GTF2E2: variants seen among roughly 807,000 people sequenced by gnomAD.
GTF2E2 encodes transcription initiation factor IIE subunit beta.
Under a neutral mutation model 40.5 loss-of-function variants are expected in GTF2E2, and 21 were observed. That is an observed-to-expected ratio of 0.52 (90% CI 0.37 to 0.75). The LOEUF is 0.75. GTF2E2 is among the 30% of genes least tolerant of loss of function. GTF2E2 has a pLI of 0.00. For synonymous variants in GTF2E2, 117 were observed against 121.6 expected (o/e 0.96, Z 0.25); for missense variants, 298 against 338.4 (o/e 0.88, Z 0.94).
At chr8:30,592,577 G>A (rs2151113089) in intron 6 of GTF2E2, among the ~76,000 whole-genome samples, 1 of 152,156 alleles carries the variant, frequency 6.6e-6, no homozygotes, top group South Asian at 2.1e-4. Context: ...ATATCAAATG[G>A]TATAGTATCT....
chr8:30,595,031 C>T (rs995518563), intron 6 of GTF2E2, among the ~76,000 whole-genome samples: 6 of 152,106 alleles, frequency 3.9e-5, no homozygotes, highest in Admixed American at 6.6e-5. Flanking sequence ...CTTCTGTCTC[C>T]GTGTTCATTT....
intron 6 of GTF2E2, among the ~76,000 whole-genome samples, chr8:30,583,981 A>AT (rs1828596157): frequency 6.6e-6 from 1 of 150,988 alleles, no homozygotes; most frequent in Admixed American, 6.6e-5. Flanking sequence ...AACTTTTTGT[A>AT]TTTTTTAGTA....
intron 2 of GTF2E2, chr8:30,637,056 C>T (rs1278174706): frequency 2.5e-6 from 1 of 401,720 alleles, no homozygotes; most frequent in Admixed American, 3.2e-5. Flanking sequence ...AGAAGTATTA[C>T]TGTCCCCTTT....
intron 5 of GTF2E2, among the ~76,000 whole-genome samples, chr8:30,611,357 T>G (rs1301623859): frequency 6.6e-6 from 1 of 152,090 alleles, no homozygotes. Flanking sequence ...AGACAGTCAA[T>G]GCAGACCAGC....
chr8:30,647,452 G>A (rs954708183), intron 2 of GTF2E2, among the ~76,000 whole-genome samples: 29 of 151,976 alleles, frequency 1.9e-4, no homozygotes, highest in Admixed American at 5.9e-4. Context: ...ACATGGGAAT[G>A]GGGCCCCTGT....
At chr8:30,600,509 C>G (rs1585950584) in intron 6 of GTF2E2, among the ~76,000 whole-genome samples, 1 of 152,042 alleles carries the variant, frequency 6.6e-6, no homozygotes, top group East Asian at 1.9e-4. Context: ...TGAGGAATCT[C>G]AGAGAGAGGT....
At chr8:30,581,768 T>G (rs1254623096) in intron 6 of GTF2E2, among the ~76,000 whole-genome samples, 1 of 152,170 alleles carries the variant, frequency 6.6e-6, no homozygotes, top group Non-Finnish European at 1.5e-5. Flanking sequence ...CTAAGCTCCT[T>G]GAGAGCAGGG....
At chr8:30,593,363 G>A (rs1320990491) in intron 6 of GTF2E2, among the ~76,000 whole-genome samples, 1 of 152,212 alleles carries the variant, frequency 6.6e-6, no homozygotes, top group African/African-American at 2.4e-5. Context: ...TAGTCTAACT[G>A]TGGATGTATG....
intron 6 of GTF2E2, among the ~76,000 whole-genome samples, chr8:30,602,485 T>C (rs867157346): frequency 6.4e-4 from 98 of 152,252 alleles, no homozygotes; most frequent in African/African-American, 2.3e-3. Context: ...ACGTTACAAA[T>C]CATTTGTTAT....
At chr8:30,648,975 C>T (rs1055818999) in intron 2 of GTF2E2, among the ~76,000 whole-genome samples, 5 of 152,148 alleles carry the variant, frequency 3.3e-5, no homozygotes, top group Non-Finnish European at 5.9e-5. Context: ...AGATGAAATT[C>T]GCTACCCAAT....
chr8:30,632,048 T>C (rs1423960160), intron 3 of GTF2E2, among the ~76,000 whole-genome samples: 2 of 152,210 alleles, frequency 1.3e-5, no homozygotes, highest in Non-Finnish European at 2.9e-5. Context: ...AGATCGAGGC[T>C]GCAGTGAGCC....
intron 5 of GTF2E2, among the ~76,000 whole-genome samples, chr8:30,608,333 A>G (rs1458872524): frequency 6.6e-6 from 1 of 151,842 alleles, no homozygotes; most frequent in Non-Finnish European, 1.5e-5. Flanking sequence ...ATTCACCAGA[A>G]GATTATCACA....
At chr8:30,630,337 T>C (rs1336694157) in intron 3 of GTF2E2, among the ~76,000 whole-genome samples, 1 of 152,194 alleles carries the variant, frequency 6.6e-6, no homozygotes, top group Non-Finnish European at 1.5e-5. Context: ...ATTTAGTACT[T>C]TGTCCAAAGT....
At chr8:30,654,788 G>C (rs79968743) in intron 1 of GTF2E2, among the ~76,000 whole-genome samples, 8,862 of 152,152 alleles carry the variant, frequency 0.058, 375 homozygotes, top group South Asian at 0.1. Flanking sequence ...AGAAACATGA[G>C]GACTACAGGG....
chr8:30,624,560 T>C (rs895941404), intron 3 of GTF2E2, among the ~76,000 whole-genome samples: 1 of 152,096 alleles, frequency 6.6e-6, no homozygotes, highest in Non-Finnish European at 1.5e-5. Flanking sequence ...AAGTCATTGG[T>C]AGCTTGATGG....
At position 30,622,981 on chromosome 8, in the gene GTF2E2, G is replaced by A. The variant is rs184426990; in HGVS notation, c.259-8266C>T. Reference sequence around the variant, plus strand: ...CGCAATTATCACAGGGTCCTGAAGCGACATACATCCTCCTCAGCTGACAGG... The same window carrying A: ...CGCAATTATCACAGGGTCCTGAAGCAACATACATCCTCCTCAGCTGACAGG... On this transcript the variant is annotated intron_variant, in intron 3 of 7. Coordinates refer to ENST00000355904, the MANE Select transcript of GTF2E2 (RefSeq NM_002095.6). Among the ~76,000 whole-genome samples, 587 of 152,060 alleles carry A rather than the reference G, an allele frequency of 3.9e-3. 13 individuals carry two copies. Among genetic ancestry groups the A allele is most frequent in the African/African-American group, 0.012 (509 of 41,384 alleles).
Position 30,607,170 on chromosome 8 carries a change from A to C in GTF2E2, c.550-20T>G. 1.0e-6 allele frequency: 1 copy of C among 1,003,054 alleles called. No individual in the cohort carries two copies. Among genetic ancestry groups the C allele is most frequent in the South Asian group, 1.5e-5 (1 of 64,912 alleles). The allele number at this position is 1,003,054 out of a possible 1,614,324, so 62.1% of individuals were successfully genotyped here. ...CAAAGCCTTAAAGATAGATAAAATA[A>C]AGATTTTTCAGTTAACTCCAAATTA... On this transcript the variant is annotated intron_variant, in intron 5 of 7. Coordinates refer to ENST00000355904, the MANE Select transcript of GTF2E2 (RefSeq NM_002095.6).
Position 30,598,302 on chromosome 8 carries a change from G to A in GTF2E2, c.643+8755C>T, listed in dbSNP as rs781273568. On this transcript the variant is annotated intron_variant, in intron 6 of 7. Transcript: ENST00000355904. ...ATATGCAAAGAAGCTTACATACTGC[G>A]GACCTCTTATGACACAATCGCAGAG... 3.9e-4 allele frequency among the ~76,000 whole-genome samples: 60 copies of A among 152,126 alleles called. 1 individual carries two copies. The highest frequency in any genetic ancestry group is 7.2e-4 in the Non-Finnish European group (49 of 68,026).
At chr8:30,604,805 T>C (rs983316617) in intron 6 of GTF2E2, among the ~76,000 whole-genome samples, 1 of 152,196 alleles carries the variant, frequency 6.6e-6, no homozygotes, top group African/African-American at 2.4e-5. Context: ...ATTTTACCCC[T>C]ATAAGCTATG....
Sources: gnomAD v4.1 joint callset for allele counts (sites outside exome capture counted in the v4.1 genomes callset) on GRCh38, gnomAD v4.1.1 for gene constraint, MANE v1.5 for transcripts, NCBI Gene and HGNC (gene_info 2026-07-23, HGNC 2026-07-21) for gene names.